The following CSH1 variants were observed in gnomAD, a reference collection of about 807,000 sequenced individuals.
The protein encoded by CSH1 is Chorionic somatomammotropin hormone 2.
In CSH1, 17 loss-of-function variants were observed where a neutral mutation model predicts 19.4. That is an observed-to-expected ratio of 0.88 (90% CI 0.60 to 1.31). The LOEUF (loss-of-function observed/expected upper bound fraction) is 1.31. Among genes scored for constraint, CSH1 ranks in the 40% most tolerant of loss-of-function variants. The pLI, the probability that CSH1 is intolerant of heterozygous loss-of-function variation, is 0.00. For synonymous variants in CSH1, 72 were observed against 104.6 expected (o/e 0.69, Z 1.90); for missense variants, 190 against 243.1 (o/e 0.78, Z 1.45).
At position 63,895,639 on chromosome 17, in the gene CSH1, T is replaced by C. The variant is rs1250728187; in HGVS notation, c.292-2A>G. The C allele has an allele frequency of 6.5e-7, 1 of 1,532,124 alleles. No homozygotes were observed. Among genetic ancestry groups the C allele is most frequent in the Admixed American group, 2.0e-5 (1 of 50,184 alleles). 94.9% of individuals were successfully genotyped at this position (1,532,124 alleles called of 1,614,324 possible). A position where few individuals can be genotyped will look rare whatever the true frequency, so the allele number is the denominator to read the frequency against. On this transcript the variant is annotated splice_acceptor_variant, in intron 3 of 4. Coordinates refer to ENST00000316193, the MANE Select transcript of CSH1 (RefSeq NM_001317.6). LOFTEE classifies it high-confidence loss of function. ...GGAGATGCGGAGCAGCTCTAGATTC[T>C]GCAGGGGAAGGACCGGCAGTGGCTG...
rs1334284911 is a variant in CSH1 at position 63,895,628 on chromosome 17, G to A, written c.301C>T (p.Leu101=). The A allele has an allele frequency of 2.6e-6, 4 of 1,549,806 alleles. No individual in the cohort carries two copies. The highest frequency in any genetic ancestry group is 3.2e-5 in the African/African-American group (2 of 62,316). Residue 101 remains leucine, a synonymous_variant, in exon 4 of 5, where the codon CTG becomes TTG. Coordinates refer to ENST00000316193, the MANE Select transcript of CSH1 (RefSeq NM_001317.6). ...ATGAGCAGCAGGGAGATGCGGAGCAGCTCTAGATTCTGCAGGGGAAGGACC... is the reference window on the plus strand; with the variant it reads ...ATGAGCAGCAGGGAGATGCGGAGCAACTCTAGATTCTGCAGGGGAAGGACC... The part of the protein sequence containing the change: ...EETQQKSNLE[L]LRISLLLIES...
intron 4 of CSH1, 50 bp downstream of exon 4, chr17:63,895,423 C>G (rs1324914607): frequency 6.2e-7 from 1 of 1,612,866 alleles, no homozygotes; most frequent in Non-Finnish European, 8.5e-7. Flanking sequence ...TCCCCCAGCC[C>G]TCGAAGCCAG....
Position 63,895,299 on chromosome 17 carries a change from C to T in CSH1, c.457-80G>A, listed in dbSNP as rs767978039. The T allele has an allele frequency of 6.9e-5, 111 of 1,612,784 alleles. 3 individuals are homozygous for T. Among genetic ancestry groups the T allele is most frequent in the Admixed American group, 2.2e-4 (13 of 59,950 alleles). On this transcript the variant is annotated intron_variant, in intron 4 of 4. Transcript: ENST00000316193. ...CTCTCTCATTTATCCATTTTCCTCC[C>T]TCCCCTTCAGGGTGTAGAGAAAGGC... is the stretch of plus-strand genomic sequence containing the variant.
chr17:63,895,667 C>T, intron 3 of CSH1, 30 bp from the exon 4 acceptor site: 1 of 1,464,324 alleles, frequency 6.8e-7, no homozygotes, highest in Admixed American at 2.2e-5. Context: ...AGTGGCTGTG[C>T]TGCCCGGGAG....
At position 63,894,991 on chromosome 17, in the gene CSH1, G is replaced by A; in HGVS notation, c.*31C>T. On this transcript the variant is annotated 3_prime_UTR_variant, in exon 5 of 5. Transcript: ENST00000316193. ...CACCTTCAGGGCCAGGAGAGGCACT[G>A]GGGAGGGGTCACAGGATGCTACTCG... is the stretch of plus-strand genomic sequence containing the variant. 6.2e-7 allele frequency: 1 copy of A among 1,612,918 alleles called. No homozygotes were observed. The highest frequency in any genetic ancestry group is 8.5e-7 in the Non-Finnish European group (1 of 1,179,632).
In CSH1 at chr17:63,895,167, C is replaced by T; in HGVS notation, c.509G>A (p.Ser170Asn). Residue 170 changes from serine to asparagine, a missense_variant, in exon 5 of 5, where the codon AGC becomes AAC. Physicochemically the swap from Ser to Asn is conservative, Grantham distance 46. Transcript: ENST00000316193. ...GTTGTGCGAGTTTGTGTCAAACTTG[C>T]TGTAGGTCTGCTTGAGGATCTGCCC... ...RTGQILKQTY[S>N]KFDTNSHNHD... 6.2e-7 allele frequency: 1 copy of T among 1,612,862 alleles called. No individual in the cohort carries two copies. The highest frequency in any genetic ancestry group is 8.5e-7 in the Non-Finnish European group (1 of 1,179,568).
At chr17:63,896,365 C>T in intron 1 of CSH1, 130 bp from the exon 2 acceptor site, 1 of 1,582,732 alleles carries the variant, frequency 6.3e-7, no homozygotes, top group Non-Finnish European at 8.6e-7. Flanking sequence ...CAGAGATTGG[C>T]CAAATATCTG....
In CSH1 at chr17:63,894,968, C is replaced by A. The variant is rs895000861; in HGVS notation, c.*54G>T. 8.2e-5 allele frequency: 133 copies of A among 1,612,372 alleles called. 4 individuals carry two copies. The highest frequency in any genetic ancestry group is 2.2e-4 in the African/African-American group (16 of 74,212). On this transcript the variant is annotated 3_prime_UTR_variant, in exon 5 of 5. Transcript: ENST00000316193. ...AAGGCTGGTGGGCACTGGAGTGGCA[C>A]CTTCAGGGCCAGGAGAGGCACTGGG...
intron 2 of CSH1, 105 bp downstream of exon 2, chr17:63,895,970 A>G: frequency 1.7e-6 from 1 of 582,830 alleles, no homozygotes; most frequent in South Asian, 2.1e-5. Flanking sequence ...TTTTCGCTTC[A>G]GAAAACAACC....
In CSH1 at chr17:63,895,142, G is replaced by T; in HGVS notation, c.534C>A (p.Asn178Lys). 1.2e-6 allele frequency: 2 copies of T among 1,612,796 alleles called. No homozygotes were observed. Among genetic ancestry groups the T allele is most frequent in the East Asian group, 2.2e-5 (1 of 44,868 alleles). ...TYSKFDTNSHNHDALLKNYGL... is the reference protein window; with the variant it reads ...TYSKFDTNSHKHDALLKNYGL... The stretch of plus-strand genomic sequence containing the variant: ...CGTAGTTCTTGAGCAGTGCGTCATG[G>T]TTGTGCGAGTTTGTGTCAAACTTGC... The change falls in exon 5 of 5, where the codon AAC (asparagine) becomes AAA (lysine). Residue 178 changes from asparagine to lysine, a missense_variant. By Grantham distance (94) the Asn-to-Lys change is moderately conservative. This residue lies in a region of CSH1 where 175 missense variants were observed against 187.2 expected (regional missense o/e 0.93). Coordinates refer to ENST00000316193, the MANE Select transcript of CSH1 (RefSeq NM_001317.6).
intron 4 of CSH1, 100 bp downstream of exon 4, chr17:63,895,373 T>G: frequency 6.2e-7 from 1 of 1,612,740 alleles, no homozygotes; most frequent in Non-Finnish European, 8.5e-7. Context: ...TTCTCTTGGG[T>G]CAGCGCCTTA....
chr17:63,895,713 G>T lies in CSH1; in HGVS notation c.291+18C>A. ...AGGTCTCCCCCATCCCCGCCTAGGGGAGACGGCATCCACTCACGGATTTCT... is the reference window on the plus strand; with the variant it reads ...AGGTCTCCCCCATCCCCGCCTAGGGTAGACGGCATCCACTCACGGATTTCT... On this transcript the variant is annotated intron_variant, in intron 3 of 4. Transcript: ENST00000316193. The T allele has an allele frequency of 8.7e-7, 1 of 1,150,386 alleles. No homozygotes were observed. The highest frequency in any genetic ancestry group is 1.2e-6 in the Non-Finnish European group (1 of 856,190). The allele number at this position is 1,150,386 out of a possible 1,614,324, so 71.3% of individuals were successfully genotyped here. A position where few individuals can be genotyped will look rare whatever the true frequency, so the allele number is the denominator to read the frequency against.
In CSH1 at chr17:63,895,585, G is replaced by A; in HGVS notation, c.344C>T (p.Pro115Leu). Residue 115 changes from proline to leucine, a missense_variant, in exon 4 of 5, where the codon CCC becomes CTC. By Grantham distance (98) the Pro-to-Leu change is moderately conservative. Around this residue, in one of 3 missense-constraint regions of CSH1, gnomAD observed 175 missense variants for 187.2 expected, o/e 0.93. Transcript: ENST00000316193. ...SLLLIESWLE[P>L]VRFLRSMFAN... ...GAACATACTCCTGAGGAACCGCACG[G>A]GCTCCAGCCACGACTCGATGAGCAG... is the stretch of plus-strand genomic sequence containing the variant. The A allele has an allele frequency of 1.3e-6, 2 of 1,589,664 alleles. No homozygotes were observed. The highest frequency in any genetic ancestry group is 1.7e-6 in the Non-Finnish European group (2 of 1,172,218).
Position 63,895,509 on chromosome 17 carries a change from T to C in CSH1, c.420A>G (p.Leu140=). ...DTSDSDDYHL[L]KDLEEGIQTL... is the part of the protein sequence containing the mutation. ...TTTGGATGCCTTCCTCTAGGTCCTT[T>C]AGGAGGTGATAGTCATCGCTGTCCG... The change falls in exon 4 of 5, where the codon CTA becomes CTG. Residue 140 remains leucine, a synonymous_variant. Coordinates refer to ENST00000316193, the MANE Select transcript of CSH1 (RefSeq NM_001317.6). 1 of 1,611,394 alleles carries C rather than the reference T, an allele frequency of 6.2e-7. No homozygotes were observed. The highest frequency in any genetic ancestry group is 8.5e-7 in the Non-Finnish European group (1 of 1,179,410).
chr17:63,895,279 T>A lies in CSH1; in HGVS notation c.457-60A>T, dbSNP rs377046204. 6.2e-6 allele frequency: 10 copies of A among 1,612,844 alleles called. No individual in the cohort carries two copies. The South Asian group carries it at 8.8e-5, about 14-fold the overall frequency. On this transcript the variant is annotated intron_variant, in intron 4 of 4. Coordinates refer to ENST00000316193, the MANE Select transcript of CSH1 (RefSeq NM_001317.6). ...GCTTGGGCACTGTTCCCTCCCTCTC[T>A]CATTTATCCATTTTCCTCCCTCCCC...
intron 4 of CSH1, 46 bp from the exon 5 acceptor site, chr17:63,895,265 G>C (rs746849327): frequency 8.1e-6 from 13 of 1,612,860 alleles, no homozygotes; most frequent in Non-Finnish European, 1.1e-5. Flanking sequence ...CTTGGGCACT[G>C]TTCCCTCCCT....
chr17:63,895,561 A>C lies in CSH1; in HGVS notation c.368T>G (p.Phe123Cys), dbSNP rs758382217. 6.2e-7 allele frequency: 1 copy of C among 1,603,632 alleles called. No individual in the cohort carries two copies. The highest frequency in any genetic ancestry group is 1.1e-5 in the South Asian group (1 of 90,544). The change falls in exon 4 of 5, where the codon TTC (phenylalanine) becomes TGC (cysteine). Residue 123 changes from phenylalanine (F) to cysteine (C), a missense_variant. Phe to Cys is a radical substitution (Grantham distance 205, BLOSUM62 -2). This residue lies in a region of CSH1 where 175 missense variants were observed against 187.2 expected (regional missense o/e 0.93). Coordinates refer to ENST00000316193, the MANE Select transcript of CSH1 (RefSeq NM_001317.6). ...GGTGTCATACACCAGGTTGTTGGCG[A>C]ACATACTCCTGAGGAACCGCACGGG... Reference protein sequence around the residue: ...LEPVRFLRSMFANNLVYDTSD... With the variant: ...LEPVRFLRSMCANNLVYDTSD...
rs755767681 is a variant in CSH1 at position 63,895,673 on chromosome 17, G to C, written c.292-36C>G. The C allele has an allele frequency of 1.2e-5, 18 of 1,443,458 alleles. No homozygotes were observed. The Admixed American group carries it at 3.6e-4, about 29-fold the overall frequency. The allele number at this position is 1,443,458 out of a possible 1,614,324, so 89.4% of individuals were successfully genotyped here. A position where few individuals can be genotyped will look rare whatever the true frequency, so the allele number is the denominator to read the frequency against. The stretch of plus-strand genomic sequence containing the variant: ...AGGACCGGCAGTGGCTGTGCTGCCC[G>C]GGAGCCCTGACCACAGGTCTCCCCC... On this transcript the variant is annotated intron_variant, in intron 3 of 4. Transcript: ENST00000316193.
At chr17:63,895,981 C>T in intron 2 of CSH1, 94 bp downstream of exon 2, 1 of 611,234 alleles carries the variant, frequency 1.6e-6, no homozygotes, top group South Asian at 2.0e-5. Context: ...GAAAACAACC[C>T]TGAGCTCCTT....
Sources: allele counts gnomAD v4.1 joint callset, GRCh38; gene constraint gnomAD v4.1.1; regional missense constraint gnomAD v4.1.1; transcripts MANE v1.5; gene names NCBI Gene and HGNC (gene_info 2026-07-23, HGNC 2026-07-21).